Variants in ZSWIM7 observed in about 807,000 individuals in gnomAD.
ZSWIM7 encodes the protein zinc finger SWIM domain-containing protein 7.
A neutral mutation model predicts 21.1 loss-of-function variants in ZSWIM7; 22 were observed. The ratio of observed to expected loss-of-function variants is 1.04; its 90% CI spans 0.74 to 1.49. The LOEUF (loss-of-function observed/expected upper bound fraction) is 1.49. Ranked by LOEUF, ZSWIM7 falls within the 40% of genes most tolerant of loss-of-function variation. The probability of loss-of-function intolerance (pLI) is 0.00; values close to 1 mark genes in which losing one functional copy is unlikely to be tolerated. For missense variants in ZSWIM7, 193 were observed against 168.0 expected (o/e 1.15, Z -0.82); for synonymous variants, 67 against 66.5 (o/e 1.01, Z -0.04).
chr17:15,982,651 T>C (rs1970368609), intron 3 of ZSWIM7, among the ~76,000 whole-genome samples: 1 of 152,144 alleles, frequency 6.6e-6, no homozygotes, highest in Non-Finnish European at 1.5e-5. Flanking sequence ...TAACATTTTT[T>C]TTTAATTTTT....
chr17:15,993,147 G>A (rs1463810935), intron 2 of ZSWIM7, among the ~76,000 whole-genome samples: 1 of 151,858 alleles, frequency 6.6e-6, no homozygotes, highest in African/African-American at 2.4e-5. Flanking sequence ...CAAAGTGCTG[G>A]GATTGCAGGT....
At chr17:15,988,645 T>A (rs1395726178) in intron 2 of ZSWIM7, among the ~76,000 whole-genome samples, 1 of 148,938 alleles carries the variant, frequency 6.7e-6, no homozygotes, top group Non-Finnish European at 1.5e-5. Flanking sequence ...TGACACCCCA[T>A]CTCTAAAGAA....
chr17:15,994,526 G>T (rs528367048), intron 1 of ZSWIM7, among the ~76,000 whole-genome samples: 1 of 152,284 alleles, frequency 6.6e-6, no homozygotes, highest in Non-Finnish European at 1.5e-5. Flanking sequence ...TTTCGAGTAC[G>T]TTTGAGAAGT....
chr17:15,991,687 T>C (rs1970483517), intron 2 of ZSWIM7, among the ~76,000 whole-genome samples: 1 of 152,210 alleles, frequency 6.6e-6, no homozygotes, highest in Non-Finnish European at 1.5e-5. Context: ...TATTAAAAAT[T>C]TAAGAAATAC....
rs558791924 is a variant in ZSWIM7 at position 15,985,829 on chromosome 17, T to C, written c.201+1437A>G. ...ACCAAATATCCCAAACTAAAAGCAATGGGAAAAACTTGAAGGTCCCTCTAG... is the reference window on the plus strand; with the variant it reads ...ACCAAATATCCCAAACTAAAAGCAACGGGAAAAACTTGAAGGTCCCTCTAG... On this transcript the variant is annotated intron_variant, in intron 3 of 4. Transcript: ENST00000399277. Among the ~76,000 whole-genome samples the C allele has an allele frequency of 2.0e-5, 3 of 152,084 alleles. 1 individual carries two copies. Among genetic ancestry groups the C allele is most frequent in the African/African-American group, 7.2e-5 (3 of 41,470 alleles).
At chr17:15,996,594 C>T (rs577866401) in intron 1 of ZSWIM7, among the ~76,000 whole-genome samples, 39 of 152,194 alleles carry the variant, frequency 2.6e-4, no homozygotes, top group African/African-American at 9.2e-4. Context: ...TCAAAAGGTA[C>T]ATCTCATGCC....
At chr17:15,983,459 G>A (rs888897443) in intron 3 of ZSWIM7, among the ~76,000 whole-genome samples, 2 of 149,724 alleles carry the variant, frequency 1.3e-5, no homozygotes, top group Admixed American at 6.7e-5. Flanking sequence ...ACATATCACC[G>A]AGACCATTCA....
rs1970348827 is a variant in ZSWIM7 at position 15,981,040 on chromosome 17, C to T, written c.306G>A (p.Leu102=). 1 of 1,610,266 alleles carries T rather than the reference C, an allele frequency of 6.2e-7. No individual in the cohort carries two copies. Residue 102 remains leucine, a splice_region_variant and synonymous_variant, in exon 4 of 5, where the codon CTG becomes CTA. Coordinates refer to ENST00000399277, the MANE Select transcript of ZSWIM7 (RefSeq NM_001042697.2). ...TGGGAAGAGTCTTCCCCATCCTCAC[C>T]AGGATGCTGTCACTCTTCCGTAGCA... ...FSVLRKSDSI[L]CKHLLAVYLS... is the part of the protein sequence containing the mutation.
chr17:15,977,745 A>G lies in ZSWIM7; in HGVS notation c.*302T>C, dbSNP rs1567787991. ...GACTAAATAATGTGGACACAACATGATATTAGGCTTTATTTGAATTTAAAA... is the reference window on the plus strand; with the variant it reads ...GACTAAATAATGTGGACACAACATGGTATTAGGCTTTATTTGAATTTAAAA... On this transcript the variant is annotated 3_prime_UTR_variant, in exon 5 of 5. Transcript: ENST00000399277. 1.7e-5 allele frequency: 4 copies of G among 235,844 alleles called. No homozygotes were observed. Among genetic ancestry groups the G allele is most frequent in the South Asian group, 7.7e-5 (1 of 13,054 alleles). The allele number at this position is 235,844 out of a possible 1,614,324, so 14.6% of individuals were successfully genotyped here.
chr17:15,979,071 G>C (rs1185660632), intron 4 of ZSWIM7, among the ~76,000 whole-genome samples: 3 of 150,126 alleles, frequency 2.0e-5, no homozygotes, highest in Non-Finnish European at 4.5e-5. Flanking sequence ...CAATAGTGGA[G>C]GGAAGGTCAG....
chr17:15,989,947 G>A (rs949792538), intron 2 of ZSWIM7, among the ~76,000 whole-genome samples: 2 of 152,100 alleles, frequency 1.3e-5, no homozygotes, highest in East Asian at 1.9e-4. Flanking sequence ...CCGGCCAGGC[G>A]CGGTGGCTCA....
chr17:15,983,059 A>G (rs1232563525), intron 3 of ZSWIM7, among the ~76,000 whole-genome samples: 1 of 152,140 alleles, frequency 6.6e-6, no homozygotes, highest in Non-Finnish European at 1.5e-5. Context: ...TCAAGATTTC[A>G]GTTCAGGCCG....
intron 1 of ZSWIM7, among the ~76,000 whole-genome samples, chr17:15,995,650 AG>A (rs1336220005): frequency 1.3e-5 from 2 of 151,720 alleles, no homozygotes; most frequent in African/African-American, 4.8e-5. Context: ...GAAAGTTCCC[AG>A]GAAGTAGAGA....
intron 3 of ZSWIM7, among the ~76,000 whole-genome samples, chr17:15,982,350 A>C (rs1397665782): frequency 6.6e-6 from 1 of 152,212 alleles, no homozygotes; most frequent in African/African-American, 2.4e-5. Context: ...TGAGGGAAGC[A>C]GAAATGTCCT....
Position 15,987,809 on chromosome 17 carries a change from C to T in ZSWIM7, c.99-441G>A, listed in dbSNP as rs960600352. Among the ~76,000 whole-genome samples, 29 of 152,140 alleles carry T rather than the reference C, an allele frequency of 1.9e-4. 1 individual carries two copies. The highest frequency in any genetic ancestry group is 1.6e-3 in the Admixed American group (25 of 15,270). ...ATTTTTAGTAGAAACAGGGTTTCTCCATGTTGGTCAGGCTGCTCTCAAACT... is the reference window on the plus strand; with the variant it reads ...ATTTTTAGTAGAAACAGGGTTTCTCTATGTTGGTCAGGCTGCTCTCAAACT... On this transcript the variant is annotated intron_variant, in intron 2 of 4. Transcript: ENST00000399277.
chr17:15,992,414 T>C (rs1218958299), intron 2 of ZSWIM7, among the ~76,000 whole-genome samples: 2 of 151,934 alleles, frequency 1.3e-5, no homozygotes, highest in African/African-American at 4.8e-5. Flanking sequence ...TAATTTCTTT[T>C]TCATGTGTTA....
At chr17:15,982,194 A>G (rs1970363691) in intron 3 of ZSWIM7, among the ~76,000 whole-genome samples, 1 of 152,078 alleles carries the variant, frequency 6.6e-6, no homozygotes, top group Non-Finnish European at 1.5e-5. Flanking sequence ...GAGAAACAAG[A>G]CACATCTGTA....
At chr17:15,987,110 T>A (rs550765953) in intron 3 of ZSWIM7, among the ~76,000 whole-genome samples, 156 bp downstream of exon 3, 8 of 152,342 alleles carry the variant, frequency 5.3e-5, no homozygotes, top group South Asian at 2.1e-4. Flanking sequence ...ATAAAAATTT[T>A]AAAAAATTAT....
rs567736948 is a variant in ZSWIM7, at chr17:15,990,221, A to G, written c.99-2853T>C. ...GGTGACAGAGCGAAACTCTGTCTCAAAAAAAAAAAAAAAAAAGCAATAAAC... is the reference window on the plus strand; with the variant it reads ...GGTGACAGAGCGAAACTCTGTCTCAGAAAAAAAAAAAAAAAAGCAATAAAC... On this transcript the variant is annotated intron_variant, in intron 2 of 4. Coordinates refer to ENST00000399277, the MANE Select transcript of ZSWIM7 (RefSeq NM_001042697.2). Among the ~76,000 whole-genome samples the G allele has an allele frequency of 9.1e-5, 10 of 109,752 alleles. No homozygotes were observed. In the East Asian group the frequency reaches 2.0e-3, roughly 22 times the overall value. The allele number at this position is 109,752 out of a possible 152,430, so 72.0% of individuals were successfully genotyped here. A position where few individuals can be genotyped will look rare whatever the true frequency, so the allele number is the denominator to read the frequency against.
Sources: allele counts gnomAD v4.1 joint callset (sites outside exome capture counted in the v4.1 genomes callset), GRCh38; gene constraint gnomAD v4.1.1; transcripts MANE v1.5; gene names NCBI Gene and HGNC (gene_info 2026-07-23, HGNC 2026-07-21).